The following DYNLT2 variants were observed in gnomAD, a reference collection of about 807,000 sequenced individuals.
DYNLT2 encodes dynein light chain Tctex-type protein 2.
A neutral mutation model predicts 24.3 loss-of-function variants in DYNLT2; 24 were observed. That is an observed-to-expected ratio of 0.99 (90% CI 0.71 to 1.39). The LOEUF (loss-of-function observed/expected upper bound fraction) is 1.39, where lower values mean the gene tolerates loss of function less well. Among genes scored for constraint, DYNLT2 ranks in the 40% most tolerant of loss-of-function variants. The pLI is 0.00. For missense variants in DYNLT2, 246 were observed against 234.5 expected (o/e 1.05, Z -0.32); for synonymous variants, 85 against 85.4 (o/e 1.00, Z 0.03).
rs1320705042 is a variant in DYNLT2 at position 169,751,203 on chromosome 6, G to GA, written c.120+135dup. The GA allele has an allele frequency of 8.7e-6, 12 of 1,373,562 alleles. No homozygotes were observed. The African/African-American group carries it at 1.6e-4, about 18-fold the overall frequency. The allele number at this position is 1,373,562 out of a possible 1,614,324, so 85.1% of individuals were successfully genotyped here. On this transcript the variant is annotated intron_variant, in intron 1 of 3. Transcript: ENST00000366774. Reference sequence around the variant, plus strand: ...CTCAGGCTTCAATTTCGCATCTGGGGAAAAAAGAAACACAAAAGGGAGATG... The same window carrying GA: ...CTCAGGCTTCAATTTCGCATCTGGGGAAAAAAAGAAACACAAAAGGGAGATG...
chr6:169,726,000 C>T, the DYNLT2 span: 1 of 152,256 alleles, frequency 6.6e-6, no homozygotes, highest in Admixed American at 6.5e-5. Context: ...AACCCCTTAT[C>T]TTCCTTTACC....
rs144598809 is a variant in DYNLT2 at position 169,740,223 on chromosome 6, C to T, written c.559G>A (p.Val187Met). ...VAAKHEAESYVALVLVFALYY... is the reference protein window; with the variant it reads ...VAAKHEAESYMALVLVFALYY... Reference sequence around the variant, plus strand: ...AGGGCAAACACCAAGACCAGTGCCACGTAGGATTCTGCTTCGTGTTTAGCT... The same window carrying T: ...AGGGCAAACACCAAGACCAGTGCCATGTAGGATTCTGCTTCGTGTTTAGCT... Residue 187 changes from valine to methionine, a missense_variant, in exon 4 of 4, where the codon GTG becomes ATG. Transcript: ENST00000366774. The T allele has an allele frequency of 1.9e-4, 307 of 1,614,040 alleles. 3 individuals carry two copies. The Admixed American group carries it at 4.3e-3, about 22-fold the overall frequency.
chr6:169,751,231 G>A lies in DYNLT2; in HGVS notation c.120+108C>T, dbSNP rs895923745. ...AAAAGAAACACAAAAGGGAGATGCTGCCTCCTTGGCTCTGGGGGTGGTGAC... is the reference window on the plus strand; with the variant it reads ...AAAAGAAACACAAAAGGGAGATGCTACCTCCTTGGCTCTGGGGGTGGTGAC... On this transcript the variant is annotated intron_variant, in intron 1 of 3. Coordinates refer to ENST00000366774, the MANE Select transcript of DYNLT2 (RefSeq NM_174910.3). The A allele has an allele frequency of 2.0e-6, 3 of 1,468,716 alleles. No individual in the cohort carries two copies. In the African/African-American group the frequency reaches 4.2e-5, roughly 21 times the overall value. The allele number at this position is 1,468,716 out of a possible 1,614,324, so 91.0% of individuals were successfully genotyped here.
intron 2 of DYNLT2, 44 bp downstream of exon 2, chr6:169,744,024 G>A (rs770698908): frequency 1.0e-5 from 16 of 1,556,390 alleles, no homozygotes; most frequent in South Asian, 2.3e-5. Context: ...TTTCTCTGTA[G>A]AACCCTCATA....
Position 169,751,556 on chromosome 6 carries a change from C to T in DYNLT2, c.-98G>A. On this transcript the variant is annotated 5_prime_UTR_variant, in exon 1 of 4. Transcript: ENST00000366774. ...GAGGGCGGAAGTCTCCCACCTGCGC[C>T]TCGTACGGTAGGAAGTGCCCGCCAG... The T allele has an allele frequency of 6.2e-7, 1 of 1,610,366 alleles. No individual in the cohort carries two copies. The highest frequency in any genetic ancestry group is 2.2e-5 in the East Asian group (1 of 44,786).
intron 1 of DYNLT2, among the ~76,000 whole-genome samples, chr6:169,745,698 C>T (rs1355453724): frequency 6.6e-6 from 1 of 152,122 alleles, no homozygotes; most frequent in African/African-American, 2.4e-5. Flanking sequence ...AGAATTTTTG[C>T]ATCAGTGTTA....
chr6:169,732,538 T>C, the DYNLT2 span, among the ~76,000 whole-genome samples: 1 of 152,174 alleles, frequency 6.6e-6, no homozygotes, highest in Non-Finnish European at 1.5e-5. Flanking sequence ...GAACATGTGA[T>C]GTTTTTTTCT....
intron 1 of DYNLT2, among the ~76,000 whole-genome samples, chr6:169,748,408 G>A (rs1166367025): frequency 3.1e-5 from 3 of 97,442 alleles, no homozygotes; most frequent in African/African-American, 2.5e-4. Context: ...CTCATCTCTT[G>A]GAAATCACTC....
At chr6:169,736,393 A>T (rs781420990), downstream of DYNLT2, among the ~76,000 whole-genome samples, 7 of 152,142 alleles carry the variant, frequency 4.6e-5, no homozygotes, top group Non-Finnish European at 7.4e-5. Context: ...TAGTTGATCC[A>T]GTTTCTTCAT....
the DYNLT2 span, among the ~76,000 whole-genome samples, chr6:169,727,874 T>A: frequency 2.0e-4 from 30 of 152,294 alleles, no homozygotes; most frequent in South Asian, 3.9e-3. Context: ...ACTTGAAGGA[T>A]TTTTATTTCT....
intron 1 of DYNLT2, chr6:169,749,899 C>T (rs948710726): frequency 6.6e-6 from 1 of 152,202 alleles, no homozygotes; most frequent in African/African-American, 2.4e-5. Flanking sequence ...AAATTAACAG[C>T]TACCTTAAAT....
intron 1 of DYNLT2, among the ~76,000 whole-genome samples, chr6:169,745,601 C>G (rs1789779004): frequency 6.6e-6 from 1 of 152,062 alleles, no homozygotes; most frequent in African/African-American, 2.4e-5. Context: ...GTTGGACCAT[C>G]CTTGCATTCC....
downstream of DYNLT2, among the ~76,000 whole-genome samples, chr6:169,735,577 A>T (rs1308085125): frequency 1.3e-5 from 2 of 152,166 alleles, no homozygotes; most frequent in African/African-American, 4.8e-5. Context: ...TTCAACTTCC[A>T]TGAAATTGTG....
At chr6:169,741,923 C>T (rs553421522) in intron 3 of DYNLT2, among the ~76,000 whole-genome samples, 6 of 152,240 alleles carry the variant, frequency 3.9e-5, no homozygotes, top group East Asian at 1.9e-4. Context: ...GGAGCCAGGA[C>T]GGTTCTTTCT....
the DYNLT2 span, among the ~76,000 whole-genome samples, chr6:169,726,969 C>T: frequency 1.3e-5 from 2 of 151,918 alleles, no homozygotes; most frequent in South Asian, 4.2e-4. Context: ...CAAAGGTACT[C>T]AACTTGTGGA....
chr6:169,737,613 T>A (rs931948519), downstream of DYNLT2, among the ~76,000 whole-genome samples: 1 of 152,116 alleles, frequency 6.6e-6, no homozygotes, highest in Non-Finnish European at 1.5e-5. Flanking sequence ...ATGGCCCTAC[T>A]CATCTGATTT....
chr6:169,731,408 T>TCC, the DYNLT2 span, among the ~76,000 whole-genome samples: 1 of 152,170 alleles, frequency 6.6e-6, no homozygotes, highest in African/African-American at 2.4e-5. Flanking sequence ...AGATGAAAAC[T>TCC]CCATCAGTTT....
At chr6:169,728,725 A>G in the DYNLT2 span, among the ~76,000 whole-genome samples, 2 of 152,224 alleles carry the variant, frequency 1.3e-5, no homozygotes. Flanking sequence ...ATGGAGAATC[A>G]GTCTTTATTC....
At chr6:169,726,995 GA>G in the DYNLT2 span, among the ~76,000 whole-genome samples, 5 of 151,834 alleles carry the variant, frequency 3.3e-5, no homozygotes, top group Admixed American at 3.3e-4. Context: ...GATAGAGAAG[GA>G]AAAAAAAGAA....
Sources: allele counts gnomAD v4.1 joint callset (sites outside exome capture counted in the v4.1 genomes callset), GRCh38; gene constraint gnomAD v4.1.1; transcripts MANE v1.5; gene names NCBI Gene and HGNC (gene_info 2026-07-23, HGNC 2026-07-21).